EPB41L3: variants seen among roughly 807,000 people sequenced by gnomAD.
EPB41L3 encodes erythrocyte membrane protein band 4.1 like 3.
Under a neutral mutation model 127.1 loss-of-function variants are expected in EPB41L3, and 57 were observed. That is an observed-to-expected ratio of 0.45 (90% CI 0.36 to 0.56). EPB41L3 has a LOEUF of 0.56. Among genes scored for constraint, EPB41L3 ranks in the 20% least tolerant of loss-of-function variants. The pLI is 0.00. For synonymous variants in EPB41L3, 572 were observed against 549.5 expected (o/e 1.04, Z -0.57); for missense variants, 1,273 against 1,372.2 (o/e 0.93, Z 1.14).
intron 3 of EPB41L3, among the ~76,000 whole-genome samples, chr18:5,451,935 T>G (rs1055442872): frequency 3.9e-5 from 6 of 152,106 alleles, no homozygotes; most frequent in Non-Finnish European, 7.4e-5. Context: ...GCCTCCCGGG[T>G]CCAAGTGATT....
intron 1 of EPB41L3, among the ~76,000 whole-genome samples, chr18:5,515,864 A>G (rs2148735316): frequency 6.6e-6 from 1 of 152,288 alleles, no homozygotes; most frequent in African/African-American, 2.4e-5. Context: ...ACAGGAAGCA[A>G]ATGCACAGAA....
intron 2 of EPB41L3, among the ~76,000 whole-genome samples, chr18:5,480,517 A>C (rs2088233915): frequency 1.3e-5 from 2 of 152,226 alleles, no homozygotes; most frequent in Non-Finnish European, 2.9e-5. Context: ...TGGAATTCAA[A>C]TCTAGCCAAA....
intron 5 of EPB41L3, among the ~76,000 whole-genome samples, chr18:5,440,468 GA>G (rs1407328809): frequency 6.6e-6 from 1 of 152,130 alleles, no homozygotes; most frequent in African/African-American, 2.4e-5. Context: ...AATCCACTGA[GA>G]AGGAAGTGCT....
chr18:5,414,381 T>C (rs1481465713), intron 13 of EPB41L3, among the ~76,000 whole-genome samples: 2 of 152,086 alleles, frequency 1.3e-5, no homozygotes, highest in African/African-American at 4.8e-5. Flanking sequence ...CTATTAAAAG[T>C]GTAGACTTTT....
intron 3 of EPB41L3, among the ~76,000 whole-genome samples, chr18:5,582,887 G>C (rs2094406813): frequency 6.6e-6 from 1 of 152,208 alleles, no homozygotes; most frequent in Admixed American, 6.5e-5. Flanking sequence ...GAGGCAGTGA[G>C]GCATGCCCGG....
intron 1 of EPB41L3, among the ~76,000 whole-genome samples, chr18:5,627,647 G>T (rs899691844): frequency 6.6e-6 from 1 of 152,146 alleles, no homozygotes; most frequent in Non-Finnish European, 1.5e-5. Flanking sequence ...TATTTTCAGT[G>T]CAGTGTCTTT....
intron 1 of EPB41L3, among the ~76,000 whole-genome samples, chr18:5,628,215 T>C (rs573846756): frequency 6.6e-6 from 1 of 152,370 alleles, no homozygotes; most frequent in Non-Finnish European, 1.5e-5. Context: ...GACCCTGCTC[T>C]ACCGGGTTAG....
intron 1 of EPB41L3, among the ~76,000 whole-genome samples, chr18:5,525,442 C>T (rs2093183277): frequency 6.6e-6 from 1 of 152,180 alleles, no homozygotes; most frequent in Non-Finnish European, 1.5e-5. Context: ...ACATAAACAT[C>T]ACATAAATCC....
At chr18:5,604,591 T>C (rs2094628126) in intron 3 of EPB41L3, among the ~76,000 whole-genome samples, 1 of 152,076 alleles carries the variant, frequency 6.6e-6, no homozygotes, top group African/African-American at 2.4e-5. Context: ...GTAGCTGGGA[T>C]TACAGATGTG....
intron 3 of EPB41L3, among the ~76,000 whole-genome samples, chr18:5,611,775 T>A (rs1568645769): frequency 6.6e-6 from 1 of 151,856 alleles, no homozygotes; most frequent in Non-Finnish European, 1.5e-5. Context: ...AAAAAATTTT[T>A]AAAAATTAGC....
At chr18:5,506,620 C>T (rs2092223972) in intron 1 of EPB41L3, among the ~76,000 whole-genome samples, 1 of 152,164 alleles carries the variant, frequency 6.6e-6, no homozygotes, top group African/African-American at 2.4e-5. Context: ...ACTGTCTCCT[C>T]CCATCAGAGG....
intron 9 of EPB41L3, 74 bp downstream of exon 9, chr18:5,428,239 G>A (rs1011160432): frequency 6.4e-7 from 1 of 1,558,902 alleles, no homozygotes; most frequent in Non-Finnish European, 8.8e-7. Flanking sequence ...GAACTCATAA[G>A]CAGATAATTT....
chr18:5,397,931 G>T lies in EPB41L3; in HGVS notation c.2472+90C>A. On this transcript the variant is annotated intron_variant, in intron 17 of 22. Transcript: ENST00000341928. The surrounding 1 kb of genome is among the most constrained non-coding windows in gnomAD (Gnocchi z 4.1). ...TGAGATGTTGAAGGCAAAGCCAGCT[G>T]GATGCAACCACACACTCACGCCCAA... is the stretch of plus-strand genomic sequence containing the variant. 1 of 1,515,742 alleles carries T rather than the reference G, an allele frequency of 6.6e-7. No individual in the cohort carries two copies. Among genetic ancestry groups the T allele is most frequent in the South Asian group, 1.2e-5 (1 of 84,216 alleles). The allele number at this position is 1,515,742 out of a possible 1,614,324, so 93.9% of individuals were successfully genotyped here. A position where few individuals can be genotyped will look rare whatever the true frequency, so the allele number is the denominator to read the frequency against.
intron 3 of EPB41L3, among the ~76,000 whole-genome samples, chr18:5,452,919 C>T (rs62081963): frequency 0.41 from 61,802 of 151,964 alleles, 12,609 homozygotes; most frequent in East Asian, 0.47. Context: ...CTTGATCTCC[C>T]CTTTTCTAAT....
intron 5 of EPB41L3, among the ~76,000 whole-genome samples, chr18:5,443,311 T>C (rs1194153519): frequency 1.3e-5 from 2 of 152,244 alleles, no homozygotes; most frequent in Non-Finnish European, 1.5e-5. Flanking sequence ...ATTTAATCAT[T>C]AGTAAAATTT....
At chr18:5,502,184 G>T (rs1473470004) in intron 1 of EPB41L3, among the ~76,000 whole-genome samples, 1 of 152,142 alleles carries the variant, frequency 6.6e-6, no homozygotes, top group Non-Finnish European at 1.5e-5. Flanking sequence ...ACAGCTACAG[G>T]TGTGATGTTC....
In EPB41L3 at chr18:5,423,248, G is replaced by A. The variant is rs550185360; in HGVS notation, c.1339+130C>T. The A allele has an allele frequency of 1.9e-5, 18 of 949,428 alleles. No homozygotes were observed. In the South Asian group the frequency reaches 7.1e-4, roughly 37 times the overall value. 58.8% of individuals were successfully genotyped at this position (949,428 alleles called of 1,614,324 possible). A position where few individuals can be genotyped will look rare whatever the true frequency, so the allele number is the denominator to read the frequency against. On this transcript the variant is annotated intron_variant, in intron 11 of 22. Coordinates refer to ENST00000341928, the MANE Select transcript of EPB41L3 (RefSeq NM_012307.5). Reference sequence around the variant, plus strand: ...GGGAGACTTAAAAATGTGCCATTCAGTCAATAAGCAACAACTGCTTTTCAA... The same window carrying A: ...GGGAGACTTAAAAATGTGCCATTCAATCAATAAGCAACAACTGCTTTTCAA...
intron 3 of EPB41L3, among the ~76,000 whole-genome samples, chr18:5,566,698 C>T (rs1023198824): frequency 6.7e-6 from 1 of 149,876 alleles, no homozygotes; most frequent in African/African-American, 2.5e-5. Context: ...ATCACACTAC[C>T]TGACCTTTCT....
intron 1 of EPB41L3, among the ~76,000 whole-genome samples, chr18:5,528,338 A>AT (rs1439268683): frequency 1.3e-5 from 2 of 151,904 alleles, no homozygotes; most frequent in African/African-American, 2.4e-5. Context: ...CGCCTGGCTA[A>AT]TTTTTTTAAA....
Sources: gnomAD v4.1 joint callset for allele counts (sites outside exome capture counted in the v4.1 genomes callset) on GRCh38, gnomAD v4.1.1 for gene constraint, Gnocchi (gnomAD v3.1) non-coding constraint, MANE v1.5 for transcripts, NCBI Gene and HGNC (gene_info 2026-07-23, HGNC 2026-07-21) for gene names.